The following CNTNAP5 variants were observed in gnomAD, a reference collection of about 807,000 sequenced individuals.
The protein encoded by CNTNAP5 is contactin associated protein family member 5.
In CNTNAP5, 72 loss-of-function variants were observed where a neutral mutation model predicts 150.2. That is an observed-to-expected ratio of 0.48 (90% CI 0.40 to 0.58). The LOEUF (loss-of-function observed/expected upper bound fraction) is 0.58, where lower values mean the gene tolerates loss of function less well. CNTNAP5 is among the 20% of genes least tolerant of loss of function. The pLI is 0.00. For synonymous variants in CNTNAP5, 672 were observed against 619.8 expected, an observed-to-expected ratio of 1.08 and a Z score of -1.25; for missense variants, 1,636 against 1,626.2, an observed-to-expected ratio of 1.01 and a Z score of -0.10.
At chr2:124,443,736 A>C (rs939165948) in intron 5 of CNTNAP5, among the ~76,000 whole-genome samples, 14 of 151,984 alleles carry the variant, frequency 9.2e-5, no homozygotes, top group Admixed American at 6.6e-4. Context: ...GCTCTATTAA[A>C]GAACTTAGTA....
chr2:124,213,283 G>GTAC (rs2104728068), intron 1 of CNTNAP5, among the ~76,000 whole-genome samples: 1 of 152,290 alleles, frequency 6.6e-6, no homozygotes, highest in East Asian at 1.9e-4. Context: ...CTAGAGCTGG[G>GTAC]TACTACTTGG....
intron 1 of CNTNAP5, among the ~76,000 whole-genome samples, chr2:124,170,009 C>T (rs1381071570): frequency 6.6e-6 from 1 of 152,068 alleles, no homozygotes; most frequent in African/African-American, 2.4e-5. Context: ...TAGACTGCAC[C>T]TACAGCTAAA....
At chr2:124,834,791 G>GTATATATATATATA (rs35344366) in intron 19 of CNTNAP5, among the ~76,000 whole-genome samples, 6 of 147,488 alleles carry the variant, frequency 4.1e-5, no homozygotes, top group African/African-American at 1.2e-4. Context: ...ATATTTCACA[G>GTATATATATATATA]TATATATATA....
chr2:124,662,779 C>T (rs921872298), intron 13 of CNTNAP5, among the ~76,000 whole-genome samples: 2 of 152,292 alleles, frequency 1.3e-5, no homozygotes, highest in Non-Finnish European at 2.9e-5. Flanking sequence ...ACATACTATA[C>T]GTAGTTGATT....
rs577946536 is a variant in CNTNAP5 at position 124,079,349 on chromosome 2, G to C, written c.82+53617G>C. On this transcript the variant is annotated intron_variant, in intron 1 of 23. Coordinates refer to ENST00000682447, the MANE Select transcript of CNTNAP5 (RefSeq NM_001367498.1). Reference sequence around the variant, plus strand: ...CCTCCAAGAAAGCCCAGCACTTTGTGCTTGTATGGAAGCTCCAGGCACTCT... The same window carrying C: ...CCTCCAAGAAAGCCCAGCACTTTGTCCTTGTATGGAAGCTCCAGGCACTCT... Among the ~76,000 whole-genome samples, 8 of 152,294 alleles carry C rather than the reference G, an allele frequency of 5.3e-5. No individual in the cohort carries two copies. In the South Asian group the frequency reaches 8.3e-4, roughly 16 times the overall value.
chr2:124,524,205 A>G, intron 8 of CNTNAP5, 98 bp from the exon 9 acceptor site: 1 of 1,265,848 alleles, frequency 7.9e-7, no homozygotes, highest in Admixed American at 1.8e-5. Context: ...GTTTGCTCTG[A>G]GAATGGCATG....
intron 21 of CNTNAP5, among the ~76,000 whole-genome samples, chr2:124,880,918 C>T (rs768005300): frequency 4.6e-5 from 7 of 152,054 alleles, no homozygotes; most frequent in Admixed American, 6.6e-5. Flanking sequence ...ACAGGTTTGA[C>T]CTCAATAGAT....
At chr2:124,226,652 G>T (rs938740170) in intron 2 of CNTNAP5, among the ~76,000 whole-genome samples, 8 of 151,980 alleles carry the variant, frequency 5.3e-5, no homozygotes, top group African/African-American at 1.9e-4. Flanking sequence ...CTGTGCTTTA[G>T]ATATCTTAGC....
intron 12 of CNTNAP5, among the ~76,000 whole-genome samples, chr2:124,623,264 G>A (rs1425776779): frequency 1.3e-5 from 2 of 152,088 alleles, no homozygotes; most frequent in Non-Finnish European, 2.9e-5. Context: ...TTTCCCCATC[G>A]TGATTCATAA....
intron 2 of CNTNAP5, among the ~76,000 whole-genome samples, chr2:124,227,891 C>T (rs1170614): frequency 0.18 from 27,713 of 151,498 alleles, 2,802 homozygotes; most frequent in East Asian, 0.35. Flanking sequence ...TATATATATA[C>T]ACATACACAT....
intron 1 of CNTNAP5, among the ~76,000 whole-genome samples, chr2:124,027,996 T>C (rs943584510): frequency 7.2e-5 from 11 of 152,168 alleles, no homozygotes; most frequent in African/African-American, 2.7e-4. Flanking sequence ...ATATAGGACT[T>C]GGGTTTATTT....
At chr2:124,455,128 T>G (rs2104814688) in intron 6 of CNTNAP5, among the ~76,000 whole-genome samples, 1 of 151,954 alleles carries the variant, frequency 6.6e-6, no homozygotes, top group South Asian at 2.1e-4. Flanking sequence ...TTTGAAAAGA[T>G]AAATAAAATT....
At chr2:124,573,804 T>C (rs1696217494) in intron 11 of CNTNAP5, among the ~76,000 whole-genome samples, 1 of 152,184 alleles carries the variant, frequency 6.6e-6, no homozygotes, top group Non-Finnish European at 1.5e-5. Flanking sequence ...AATAGCTCTC[T>C]GGTATCAGAC....
chr2:124,501,014 A>G (rs1014587010), intron 7 of CNTNAP5, among the ~76,000 whole-genome samples: 2 of 152,126 alleles, frequency 1.3e-5, no homozygotes, highest in Admixed American at 6.5e-5. Context: ...CCTTCCTTGA[A>G]GACTGACTTC....
rs116292390 is a variant in CNTNAP5, at chr2:124,820,156, T to C, written c.3217+21836T>C. Among the ~76,000 whole-genome samples, 1,008 of 152,282 alleles carry C rather than the reference T, an allele frequency of 6.6e-3. 9 individuals carry two copies. The highest frequency in any genetic ancestry group is 0.01 in the Non-Finnish European group (693 of 68,020). ...ACACCCAGAGTCAAGCTGTTATCTA[T>C]TGTAAGTTATATTAAGCCTTTAGTC... On this transcript the variant is annotated intron_variant, in intron 19 of 23. Coordinates refer to ENST00000682447, the MANE Select transcript of CNTNAP5 (RefSeq NM_001367498.1).
At chr2:124,301,322 G>A (rs923980885) in intron 3 of CNTNAP5, among the ~76,000 whole-genome samples, 19 of 152,132 alleles carry the variant, frequency 1.2e-4, no homozygotes, top group African/African-American at 3.6e-4. Context: ...CACAATTTGC[G>A]AACTAACATT....
At chr2:124,563,344 C>A (rs1439120286) in intron 11 of CNTNAP5, 21 bp downstream of exon 11, 5 of 1,454,610 alleles carry the variant, frequency 3.4e-6, no homozygotes, top group Non-Finnish European at 4.7e-6. Context: ...TGATCATTTG[C>A]CCCTGGTGGC....
At chr2:124,291,468 G>T (rs1472318702) in intron 3 of CNTNAP5, among the ~76,000 whole-genome samples, 1 of 140,708 alleles carries the variant, frequency 7.1e-6, no homozygotes, top group Admixed American at 7.2e-5. Context: ...AGAAACTATA[G>T]ATAGTAAATT....
At chr2:124,131,685 C>T (rs1308360977) in intron 1 of CNTNAP5, among the ~76,000 whole-genome samples, 1 of 152,092 alleles carries the variant, frequency 6.6e-6, no homozygotes, top group Admixed American at 6.6e-5. Context: ...TAGTATTTCT[C>T]CATTGAGGAG....
Sources: allele counts gnomAD v4.1 joint callset (sites outside exome capture counted in the v4.1 genomes callset), GRCh38; gene constraint gnomAD v4.1.1; transcripts MANE v1.5; gene names NCBI Gene and HGNC (gene_info 2026-07-23, HGNC 2026-07-21).